The following TTC28 variants were observed in gnomAD, a reference collection of about 807,000 sequenced individuals.
The protein encoded by TTC28 is tetratricopeptide repeat protein 28.
A neutral mutation model predicts 198.0 loss-of-function variants in TTC28; 61 were observed. The observed-to-expected ratio is 0.31, with a 90% confidence interval of 0.25 to 0.38. The LOEUF is 0.38. TTC28 is among the 10% of genes least tolerant of loss of function. TTC28 has a pLI of 1.00. For missense variants in TTC28, 2,678 were observed against 3,164.0 expected (o/e 0.85, Z 3.69); for synonymous variants, 1,171 against 1,297.8 (o/e 0.90, Z 2.10).
At chr22:28,193,872 C>G (rs554443107) in intron 5 of TTC28, among the ~76,000 whole-genome samples, 55 of 152,154 alleles carry the variant, frequency 3.6e-4, no homozygotes, top group African/African-American at 8.9e-4. Flanking sequence ...ACATTAGACA[C>G]ATCAACGAGA....
Position 28,356,713 on chromosome 22 carries a change from T to C in TTC28, c.382-50070A>G, listed in dbSNP as rs554781814. Among the ~76,000 whole-genome samples, 35 of 152,208 alleles carry C rather than the reference T, an allele frequency of 2.3e-4. 1 individual carries two copies. The Middle Eastern group carries it at 0.014, about 59-fold the overall frequency. Reference sequence around the variant, plus strand: ...CCCTGTCAGGGGTGGAGAGTGGCAGTAGTCACTGAGGTAGGCACAGGGGAG... The same window carrying C: ...CCCTGTCAGGGGTGGAGAGTGGCAGCAGTCACTGAGGTAGGCACAGGGGAG... On this transcript the variant is annotated intron_variant, in intron 2 of 22. Transcript: ENST00000397906.
chr22:28,379,771 T>C (rs866878743), intron 2 of TTC28, among the ~76,000 whole-genome samples: 3 of 152,326 alleles, frequency 2.0e-5, no homozygotes, highest in Middle Eastern at 3.4e-3. Flanking sequence ...AATTTTATGT[T>C]ATGTGTATTT....
chr22:28,440,312 G>A (rs2047598472), intron 2 of TTC28, among the ~76,000 whole-genome samples: 1 of 152,092 alleles, frequency 6.6e-6, no homozygotes, highest in Non-Finnish European at 1.5e-5. Context: ...ATTTTGTTCT[G>A]ACAGTTTCTT....
At chr22:28,594,540 C>G (rs2050502684) in intron 2 of TTC28, among the ~76,000 whole-genome samples, 1 of 147,884 alleles carries the variant, frequency 6.8e-6, no homozygotes, top group Admixed American at 6.6e-5. Context: ...GACTCATTGT[C>G]ATAATTCATT....
intron 5 of TTC28, among the ~76,000 whole-genome samples, chr22:28,198,014 G>A (rs1925545223): frequency 6.6e-6 from 1 of 152,106 alleles, no homozygotes; most frequent in African/African-American, 2.4e-5. Context: ...TGATGAAAAT[G>A]GAGTGATAGA....
intron 5 of TTC28, among the ~76,000 whole-genome samples, chr22:28,185,143 CA>C (rs2147113252): frequency 6.6e-6 from 1 of 152,274 alleles, no homozygotes; most frequent in East Asian, 1.9e-4. Flanking sequence ...CCTCCTTAAG[CA>C]AAATTCAGTT....
At chr22:28,320,175 TA>T (rs988351214) in intron 2 of TTC28, among the ~76,000 whole-genome samples, 16 of 152,244 alleles carry the variant, frequency 1.1e-4, no homozygotes, top group African/African-American at 3.9e-4. Flanking sequence ...TGCTGTGTTC[TA>T]GGGCTGGGAG....
chr22:28,472,509 C>T (rs2048108599), intron 2 of TTC28, among the ~76,000 whole-genome samples: 1 of 147,752 alleles, frequency 6.8e-6, no homozygotes, highest in Non-Finnish European at 1.5e-5. Context: ...GTTTTGTATA[C>T]CTTCATGTTT....
At chr22:28,517,757 C>T (rs1350467508) in intron 2 of TTC28, among the ~76,000 whole-genome samples, 1 of 152,102 alleles carries the variant, frequency 6.6e-6, no homozygotes, top group Admixed American at 6.6e-5. Context: ...AATATGTTTA[C>T]TAAGTACTTA....
At chr22:28,391,574 T>C (rs1200397603) in intron 2 of TTC28, among the ~76,000 whole-genome samples, 12 of 152,168 alleles carry the variant, frequency 7.9e-5, no homozygotes, top group South Asian at 6.2e-4. Flanking sequence ...CTTCCCTTCT[T>C]GCTTCATTTC....
intron 2 of TTC28, among the ~76,000 whole-genome samples, chr22:28,333,924 ATGTGCCATGCTGG>A (rs2045658949): frequency 3.3e-5 from 5 of 152,058 alleles, no homozygotes; most frequent in Admixed American, 3.3e-4. Context: ...ATATGTATAC[ATGTGCCATGCTGG>A]TGTGCTGTAC....
At chr22:28,023,880 G>A (rs1380718724) in intron 13 of TTC28, among the ~76,000 whole-genome samples, 2 of 152,214 alleles carry the variant, frequency 1.3e-5, no homozygotes, top group Non-Finnish European at 2.9e-5. Flanking sequence ...AAGCCTCGGT[G>A]TCATCATAGT....
chr22:28,209,578 G>C (rs1029025300), intron 5 of TTC28, among the ~76,000 whole-genome samples: 4 of 152,194 alleles, frequency 2.6e-5, no homozygotes, highest in Non-Finnish European at 4.4e-5. Flanking sequence ...AGGCAGCAGC[G>C]AGGCTGGGGG....
intron 5 of TTC28, among the ~76,000 whole-genome samples, chr22:28,288,353 A>C (rs1468411154): frequency 6.6e-6 from 1 of 152,200 alleles, no homozygotes; most frequent in Non-Finnish European, 1.5e-5. Flanking sequence ...CACTTTGGGA[A>C]ACTGGCAAAA....
At chr22:28,459,839 T>C (rs1245726569) in intron 2 of TTC28, 2 of 152,206 alleles carry the variant, frequency 1.3e-5, no homozygotes, top group Non-Finnish European at 1.5e-5. Context: ...TCTCCTATTC[T>C]GGACTGTCCT....
At chr22:28,044,838 A>C (rs985139119) in intron 12 of TTC28, among the ~76,000 whole-genome samples, 6 of 152,154 alleles carry the variant, frequency 3.9e-5, no homozygotes, top group African/African-American at 1.4e-4. Context: ...GTCTATACTT[A>C]AGTGTTAAAG....
At position 27,993,267 on chromosome 22, in the gene TTC28, G is replaced by A; in HGVS notation, c.5476+20C>T. On this transcript the variant is annotated intron_variant, in intron 18 of 22. Transcript: ENST00000397906. ...GCTGTCAGCCAGGCCTGTTGCCCCAGCCCTACACCCACAGCTCACCCAGCA... is the reference window on the plus strand; with the variant it reads ...GCTGTCAGCCAGGCCTGTTGCCCCAACCCTACACCCACAGCTCACCCAGCA... 1 of 1,504,220 alleles carries A rather than the reference G, an allele frequency of 6.6e-7. No homozygotes were observed. The highest frequency in any genetic ancestry group is 8.9e-7 in the Non-Finnish European group (1 of 1,125,814). 93.2% of individuals were successfully genotyped at this position (1,504,220 alleles called of 1,614,324 possible).
intron 5 of TTC28, among the ~76,000 whole-genome samples, chr22:28,165,184 G>C (rs544890827): frequency 7.2e-5 from 11 of 152,342 alleles, no homozygotes; most frequent in East Asian, 3.9e-4. Context: ...TATGTGAAAA[G>C]ACCAAATCTA....
At chr22:28,227,656 C>T (rs2147219602) in intron 5 of TTC28, among the ~76,000 whole-genome samples, 1 of 151,814 alleles carries the variant, frequency 6.6e-6, no homozygotes, top group Non-Finnish European at 1.5e-5. Flanking sequence ...CAAATCAAAA[C>T]CACAATGAGA....
Sources: gnomAD v4.1 joint callset for allele counts (sites outside exome capture counted in the v4.1 genomes callset) on GRCh38, gnomAD v4.1.1 for gene constraint, MANE v1.5 for transcripts, NCBI Gene and HGNC (gene_info 2026-07-23, HGNC 2026-07-21) for gene names.